Variants in EVC2 observed in about 807,000 individuals in gnomAD.
The protein encoded by EVC2 is limbin.
A neutral mutation model predicts 149.3 loss-of-function variants in EVC2; 148 were observed. The ratio of observed to expected loss-of-function variants is 0.99; its 90% CI spans 0.87 to 1.14. EVC2 has a LOEUF of 1.14. EVC2 is among the 50% of genes most tolerant of loss of function. EVC2 has a pLI of 0.00. For synonymous variants in EVC2, 776 were observed against 649.9 expected, an observed-to-expected ratio of 1.19 and a Z score of -2.95; for missense variants, 1,854 against 1,627.3, an observed-to-expected ratio of 1.14 and a Z score of -2.40.
At chr4:5,611,778 A>C (rs1325786943) in intron 16 of EVC2, among the ~76,000 whole-genome samples, 2 of 152,180 alleles carry the variant, frequency 1.3e-5, no homozygotes, top group African/African-American at 4.8e-5. Context: ...AGTAATCTGA[A>C]ACTTAAGTTA....
chr4:5,700,716 C>T (rs1450030280), intron 1 of EVC2, among the ~76,000 whole-genome samples: 1 of 152,206 alleles, frequency 6.6e-6, no homozygotes, highest in African/African-American at 2.4e-5. Flanking sequence ...CTCTGGGCAA[C>T]CGCTCCCATA....
At chr4:5,558,230 G>A (rs1300952060), downstream of EVC2, among the ~76,000 whole-genome samples, 5 of 152,168 alleles carry the variant, frequency 3.3e-5, no homozygotes, top group Non-Finnish European at 7.4e-5. Flanking sequence ...CATTGGAACA[G>A]AACAGAGAGC....
In EVC2 at chr4:5,664,576, C is replaced by A. The variant is rs185574462; in HGVS notation, c.1005+939G>T. 1.8e-3 allele frequency among the ~76,000 whole-genome samples: 271 copies of A among 152,264 alleles called. 8 individuals carry two copies. The highest frequency in any genetic ancestry group is 0.016 in the Admixed American group (249 of 15,292). ...GGACGTTTTTCTTCTCACTTTTGCC[C>A]GCCAAGGAGACTGTGGGCTGACCTC... is the stretch of plus-strand genomic sequence containing the variant. On this transcript the variant is annotated intron_variant, in intron 8 of 21. Transcript: ENST00000344408.
intron 2 of EVC2, among the ~76,000 whole-genome samples, chr4:5,695,345 C>T (rs1237293616): frequency 2.0e-5 from 3 of 146,858 alleles, no homozygotes; most frequent in African/African-American, 7.6e-5. Context: ...AAGACTCCAT[C>T]TCAAAAAAAA....
chr4:5,672,138 G>A (rs1304582975), intron 7 of EVC2, among the ~76,000 whole-genome samples: 4 of 152,144 alleles, frequency 2.6e-5, no homozygotes, highest in Admixed American at 1.3e-4. Flanking sequence ...CTGGAGAACT[G>A]GGGGAGGGAG....
In EVC2 at chr4:5,657,246, C is replaced by T. The variant is rs1410544990; in HGVS notation, c.1145+5861G>A. 1.3e-5 allele frequency among the ~76,000 whole-genome samples: 2 copies of T among 152,148 alleles called. No homozygotes were observed. Among genetic ancestry groups the T allele is most frequent in the Non-Finnish European group, 2.9e-5 (2 of 68,022 alleles). On this transcript the variant is annotated intron_variant, in intron 9 of 21. Coordinates refer to ENST00000344408, the MANE Select transcript of EVC2 (RefSeq NM_147127.5). This position sits in a 1 kb window ranked among gnomAD's most constrained non-coding sequence, Gnocchi z 4.7. ...CACACTTTTTACATTCCCACCTTTT[C>T]CTCCTCTGCTGTCCTCACCTTGAAC...
At chr4:5,629,482 T>C (rs1375362549) in intron 11 of EVC2, among the ~76,000 whole-genome samples, 1 of 152,212 alleles carries the variant, frequency 6.6e-6, no homozygotes, top group East Asian at 1.9e-4. Flanking sequence ...AGAGGCATAG[T>C]AATTAGACCA....
At chr4:5,697,531 G>C in intron 2 of EVC2, 62 bp downstream of exon 2, 1 of 1,526,328 alleles carries the variant, frequency 6.6e-7, no homozygotes, top group Non-Finnish European at 9.1e-7. Context: ...AGGAAGGAGG[G>C]CTTCAGGCTT....
chr4:5,628,996 A>G (rs776700807), intron 11 of EVC2, among the ~76,000 whole-genome samples: 3 of 152,292 alleles, frequency 2.0e-5, no homozygotes, highest in East Asian at 1.9e-4. Flanking sequence ...CCTACGGAAC[A>G]TAAATTTCAC....
intron 16 of EVC2, among the ~76,000 whole-genome samples, chr4:5,611,189 T>G (rs1045958637): frequency 6.6e-6 from 1 of 152,182 alleles, no homozygotes; most frequent in Non-Finnish European, 1.5e-5. Context: ...TAGGAGACAC[T>G]GCACAGAGGG....
Position 5,657,077 on chromosome 4 carries a change from G to A in EVC2, c.1145+6030C>T, listed in dbSNP as rs778150643. On this transcript the variant is annotated intron_variant, in intron 9 of 21. Coordinates refer to ENST00000344408, the MANE Select transcript of EVC2 (RefSeq NM_147127.5). This position sits in a 1 kb window ranked among gnomAD's most constrained non-coding sequence, Gnocchi z 4.7. Reference sequence around the variant, plus strand: ...TGCCCTGCCCGCCAGTGGCCTCCATGCCTCCATCCAGACCACTGAGACCAC... The same window carrying A: ...TGCCCTGCCCGCCAGTGGCCTCCATACCTCCATCCAGACCACTGAGACCAC... Among the ~76,000 whole-genome samples, 31 of 152,114 alleles carry A rather than the reference G, an allele frequency of 2.0e-4. No homozygotes were observed. Among genetic ancestry groups the A allele is most frequent in the Non-Finnish European group, 3.2e-4 (22 of 68,022 alleles).
Position 5,673,099 on chromosome 4 carries a change from T to C in EVC2, c.871-7450A>G, listed in dbSNP as rs551521133. On this transcript the variant is annotated intron_variant, in intron 7 of 21. Transcript: ENST00000344408. Reference sequence around the variant, plus strand: ...GCTGCACAACACCTATTGACTGTAGTAACTGTCAATAACAGTAAATGTTAG... The same window carrying C: ...GCTGCACAACACCTATTGACTGTAGCAACTGTCAATAACAGTAAATGTTAG... 4.6e-5 allele frequency among the ~76,000 whole-genome samples: 7 copies of C among 152,310 alleles called. 1 individual carries two copies. The East Asian group carries it at 1.4e-3, about 29-fold the overall frequency.
chr4:5,699,376 C>A (rs1721683824), intron 1 of EVC2, among the ~76,000 whole-genome samples: 1 of 152,154 alleles, frequency 6.6e-6, no homozygotes, highest in Non-Finnish European at 1.5e-5. Flanking sequence ...TACAAACATT[C>A]TATGGAGTAC....
At chr4:5,688,728 C>T (rs1037377820) in intron 5 of EVC2, among the ~76,000 whole-genome samples, 3 of 152,240 alleles carry the variant, frequency 2.0e-5, no homozygotes, top group East Asian at 1.9e-4. Flanking sequence ...GCTACTGAGA[C>T]GGATGTCAAC....
chr4:5,620,369 G>A (rs989317146), intron 14 of EVC2, among the ~76,000 whole-genome samples: 27 of 152,272 alleles, frequency 1.8e-4, no homozygotes, highest in African/African-American at 6.0e-4. Flanking sequence ...AGAGAATACA[G>A]AAATACAGGA....
chr4:5,539,223 A>G (rs1037621405), downstream of EVC2, among the ~76,000 whole-genome samples: 2 of 152,214 alleles, frequency 1.3e-5, no homozygotes, highest in African/African-American at 4.8e-5. Context: ...CTTAATATTT[A>G]TGGATGAATC....
intron 1 of EVC2, among the ~76,000 whole-genome samples, chr4:5,701,277 C>A (rs963867714): frequency 6.6e-6 from 1 of 152,192 alleles, no homozygotes; most frequent in Non-Finnish European, 1.5e-5. Flanking sequence ...TCAGATAAAC[C>A]TGAATATATT....
chr4:5,586,826 C>A (rs1156571650), intron 16 of EVC2, among the ~76,000 whole-genome samples: 1 of 152,126 alleles, frequency 6.6e-6, no homozygotes, highest in African/African-American at 2.4e-5. Flanking sequence ...TCATGCCTCC[C>A]GAAAATGTAT....
At chr4:5,623,810 G>A (rs529117881) in intron 13 of EVC2, among the ~76,000 whole-genome samples, 16 of 152,218 alleles carry the variant, frequency 1.1e-4, no homozygotes, top group East Asian at 5.8e-4. Flanking sequence ...CCCTCTCTGC[G>A]CCTCCATTTC....
Sources: allele counts gnomAD v4.1 joint callset (sites outside exome capture counted in the v4.1 genomes callset), GRCh38; gene constraint gnomAD v4.1.1; non-coding constraint Gnocchi (gnomAD v3.1); transcripts MANE v1.5; gene names NCBI Gene and HGNC (gene_info 2026-07-23, HGNC 2026-07-21).